The following ZNF738 variants were observed in gnomAD, a reference collection of about 807,000 sequenced individuals.
ZNF738 encodes protein ZNF738.
A neutral mutation model predicts 9.2 loss-of-function variants in ZNF738; 10 were observed. That is an observed-to-expected ratio of 1.09 (90% CI 0.67 to 1.85). ZNF738 has a LOEUF of 1.85. Ranked by LOEUF, ZNF738 falls within the 40% of genes most tolerant of loss-of-function variation. The probability of loss-of-function intolerance (pLI) is 0.00; values close to 1 mark genes in which losing one functional copy is unlikely to be tolerated. For missense variants in ZNF738, 346 were observed against 283.6 expected (o/e 1.22, Z -1.58); for synonymous variants, 113 against 94.5 (o/e 1.20, Z -1.14).
intron 1 of ZNF738, among the ~76,000 whole-genome samples, chr19:21,359,815 T>G (rs1170162819): frequency 1.3e-5 from 2 of 152,060 alleles, no homozygotes; most frequent in Non-Finnish European, 2.9e-5. Context: ...AGGCAGAGCT[T>G]GCAGTGAGCC....
At position 21,383,429 on chromosome 19, in the gene ZNF738, A is replaced by T; in HGVS notation, c.883A>T (p.Lys295Ter). 1.8e-6 allele frequency: 1 copy of T among 565,652 alleles called. No homozygotes were observed. The allele number at this position is 565,652 out of a possible 1,614,324, so 35.0% of individuals were successfully genotyped here. A position where few individuals can be genotyped will look rare whatever the true frequency, so the allele number is the denominator to read the frequency against. The change falls in exon 5 of 5, where the codon AAA (lysine) becomes TAA (stop). Residue 295 changes from lysine (K) to a stop codon, truncating the protein, a stop_gained. Coordinates refer to ENST00000683779, the MANE Select transcript of ZNF738 (RefSeq NM_001355237.2). LOFTEE classifies it low-confidence loss of function (END_TRUNC). ...ACACTACAAATGTGAAAAATGTGGC[A>T]AAGATTTTAAACAGTCCTCACACCT... is the stretch of plus-strand genomic sequence containing the variant. The part of the protein sequence containing the change: ...EKHYKCEKCG[K>*]DFKQSSHLTK...
At position 21,386,442 on chromosome 19, in the gene ZNF738, C is replaced by A; in HGVS notation, c.*2768C>A. On this transcript the variant is annotated 3_prime_UTR_variant, in exon 5 of 5. Transcript: ENST00000683779. ...AGAAATGTGAAGGATGTGGTAAAGC[C>A]GTTATCCAGTCCTCAACTCCCACTA... The A allele has an allele frequency of 3.3e-6, 1 of 305,896 alleles. No homozygotes were observed. Among genetic ancestry groups the A allele is most frequent in the Non-Finnish European group, 6.8e-6 (1 of 147,588 alleles). 18.9% of individuals were successfully genotyped at this position (305,896 alleles called of 1,614,324 possible).
intron 4 of ZNF738, chr19:21,377,928 T>C (rs750495451): frequency 2.2e-4 from 85 of 390,000 alleles, no homozygotes; most frequent in Admixed American, 1.3e-4. Context: ...CCACATTTTC[T>C]CTCTTTGTTT....
At chr19:21,377,833 G>A (rs1001579277) in intron 4 of ZNF738, 1 of 371,662 alleles carries the variant, frequency 2.7e-6, no homozygotes, top group Non-Finnish European at 4.8e-6. Flanking sequence ...TTTATTGAAA[G>A]TATGTCTCTT....
chr19:21,364,191 C>T (rs1488457778), intron 2 of ZNF738, among the ~76,000 whole-genome samples: 3 of 12,230 alleles, frequency 2.5e-4, no homozygotes, highest in Non-Finnish European at 3.5e-4. Context: ...AGCGAGAATC[C>T]GTCTCAAAAA....
At position 21,386,519 on chromosome 19, in the gene ZNF738, G is replaced by A. The variant is rs1974069317; in HGVS notation, c.*2845G>A. ...AAACCTCACAACTGTGAAGAATGTG[G>A]CAAAGCTTTTAACCAGTCCTACAAA... On this transcript the variant is annotated 3_prime_UTR_variant, in exon 5 of 5. Transcript: ENST00000683779. 2 of 376,184 alleles carry A rather than the reference G, an allele frequency of 5.3e-6. No individual in the cohort carries two copies. Among genetic ancestry groups the A allele is most frequent in the Non-Finnish European group, 1.1e-5 (2 of 184,670 alleles). The allele number at this position is 376,184 out of a possible 1,614,324, so 23.3% of individuals were successfully genotyped here.
chr19:21,361,511 C>G (rs890486158), intron 1 of ZNF738, among the ~76,000 whole-genome samples: 2 of 152,186 alleles, frequency 1.3e-5, no homozygotes, highest in East Asian at 1.9e-4. Flanking sequence ...AATAATAATC[C>G]CCTGACACTG....
Position 21,383,946 on chromosome 19 carries a change from T to G in ZNF738, c.*272T>G, listed in dbSNP as rs1974036899. 1 of 1,437,582 alleles carries G rather than the reference T, an allele frequency of 7.0e-7. No homozygotes were observed. The highest frequency in any genetic ancestry group is 9.8e-7 in the Non-Finnish European group (1 of 1,024,778). 89.1% of individuals were successfully genotyped at this position (1,437,582 alleles called of 1,614,324 possible). On this transcript the variant is annotated 3_prime_UTR_variant, in exon 5 of 5. Transcript: ENST00000683779. ...AGAATGTGGCAAAGCTTTTAACTGT[T>G]ACTCCTACCTTACTGCACATAAGTT...
chr19:21,373,172 T>C (rs1414479981), intron 2 of ZNF738, among the ~76,000 whole-genome samples: 1 of 152,168 alleles, frequency 6.6e-6, no homozygotes. Context: ...TTGAGCTCAT[T>C]AAAGGTTGAG....
rs774723847 is a variant in ZNF738 at position 21,375,240 on chromosome 19, G to T, written c.99G>T (p.Gly33=). ...GTGTGTGTGTGTGTGTTTTTCAGGG[G>T]CCGTTGACATTTAGGGATGTGGTCA... is the stretch of plus-strand genomic sequence containing the variant. ...NLLEYSYFEK[G]PLTFRDVVIE... Residue 33 remains glycine, a splice_region_variant and synonymous_variant, in exon 3 of 5, where the codon GGG becomes GGT. Coordinates refer to ENST00000683779, the MANE Select transcript of ZNF738 (RefSeq NM_001355237.2). 8.9e-7 allele frequency: 1 copy of T among 1,117,502 alleles called. No individual in the cohort carries two copies. Among genetic ancestry groups the T allele is most frequent in the East Asian group, 2.4e-5 (1 of 41,414 alleles). 69.2% of individuals were successfully genotyped at this position (1,117,502 alleles called of 1,614,324 possible). A position where few individuals can be genotyped will look rare whatever the true frequency, so the allele number is the denominator to read the frequency against.
At position 21,383,892 on chromosome 19, in the gene ZNF738, C is replaced by G; in HGVS notation, c.*218C>G. 1 of 1,424,990 alleles carries G rather than the reference C, an allele frequency of 7.0e-7. No homozygotes were observed. Among genetic ancestry groups the G allele is most frequent in the South Asian group, 1.2e-5 (1 of 86,920 alleles). The allele number at this position is 1,424,990 out of a possible 1,614,324, so 88.3% of individuals were successfully genotyped here. On this transcript the variant is annotated 3_prime_UTR_variant, in exon 5 of 5. Coordinates refer to ENST00000683779, the MANE Select transcript of ZNF738 (RefSeq NM_001355237.2). ...ATACCTTACTACACATAAGATAATT[C>G]ATACTGGAGAGAAACCCTACAAATG...
intron 4 of ZNF738, chr19:21,377,885 TTTG>T (rs1359688664): frequency 5.2e-6 from 2 of 382,832 alleles, no homozygotes; most frequent in East Asian, 3.7e-5. Flanking sequence ...ACTAATTTTT[TTTG>T]TTGTTCTATT....
chr19:21,370,653 G>C (rs1362384495), intron 2 of ZNF738, among the ~76,000 whole-genome samples: 1 of 152,122 alleles, frequency 6.6e-6, no homozygotes, highest in African/African-American at 2.4e-5. Flanking sequence ...CCTCAAGCTT[G>C]GCCCAGATGA....
intron 2 of ZNF738, chr19:21,372,529 T>G (rs1229266747): frequency 6.6e-6 from 1 of 152,198 alleles, no homozygotes; most frequent in Non-Finnish European, 1.5e-5. Flanking sequence ...ACTATACATT[T>G]TAAGATCTTA....
At chr19:21,372,526 A>T (rs534682464) in intron 2 of ZNF738, 2 of 152,320 alleles carry the variant, frequency 1.3e-5, no homozygotes, top group Admixed American at 1.3e-4. Context: ...TAAACTATAC[A>T]TTTTAAGATC....
intron 4 of ZNF738, chr19:21,381,738 C>A: frequency 3.5e-6 from 1 of 289,426 alleles, no homozygotes; most frequent in Non-Finnish European, 6.8e-6. Context: ...CGTGATCCAC[C>A]CACCTCGGCC....
In ZNF738 at chr19:21,383,622, T is replaced by G; in HGVS notation, c.1076T>G (p.Leu359Arg). Residue 359 changes from leucine (L) to arginine (R), a missense_variant, in exon 5 of 5, where the codon CTT (leucine) becomes CGT (arginine). By Grantham distance (102) the Leu-to-Arg change is moderately radical. Coordinates refer to ENST00000683779, the MANE Select transcript of ZNF738 (RefSeq NM_001355237.2). ...AAAGCTTTTAATTGGTACTCACACC[T>G]TACCAGACATAAGATAATTCATACT... The part of the protein sequence containing the change: ...CGKAFNWYSH[L>R]TRHKIIHTGE... 1.0e-6 allele frequency: 1 copy of G among 968,656 alleles called. No homozygotes were observed. Among genetic ancestry groups the G allele is most frequent in the Non-Finnish European group, 1.6e-6 (1 of 609,182 alleles). The allele number at this position is 968,656 out of a possible 1,614,324, so 60.0% of individuals were successfully genotyped here.
intron 4 of ZNF738, chr19:21,378,104 C>T: frequency 2.5e-6 from 1 of 396,824 alleles, no homozygotes; most frequent in Non-Finnish European, 4.4e-6. Flanking sequence ...TTGTTGCATG[C>T]AAAAATTTTT....
chr19:21,386,569 C>A lies in ZNF738; in HGVS notation c.*2895C>A, dbSNP rs1736195600. 2.6e-5 allele frequency: 9 copies of A among 349,276 alleles called. No homozygotes were observed. Among genetic ancestry groups the A allele is most frequent in the South Asian group, 2.3e-4 (8 of 35,460 alleles). 21.6% of individuals were successfully genotyped at this position (349,276 alleles called of 1,614,324 possible). A position where few individuals can be genotyped will look rare whatever the true frequency, so the allele number is the denominator to read the frequency against. On this transcript the variant is annotated 3_prime_UTR_variant, in exon 5 of 5. Transcript: ENST00000683779. ...ACCTTTTTGAACAAAATAATTCATA[C>A]AGGAGAGAAACACTACAAATGTGAG...
Sources: gnomAD v4.1 joint callset for allele counts (sites outside exome capture counted in the v4.1 genomes callset) on GRCh38, gnomAD v4.1.1 for gene constraint, MANE v1.5 for transcripts, NCBI Gene and HGNC (gene_info 2026-07-23, HGNC 2026-07-21) for gene names.